The following TMEM132B variants were observed in gnomAD, a reference collection of about 807,000 sequenced individuals.
TMEM132B encodes transmembrane protein 132B.
Under a neutral mutation model 90.8 loss-of-function variants are expected in TMEM132B, and 18 were observed. The ratio of observed to expected loss-of-function variants is 0.20; its 90% CI spans 0.14 to 0.29. TMEM132B has a LOEUF of 0.29. TMEM132B is among the 10% of genes least tolerant of loss of function. The pLI, the probability that TMEM132B is intolerant of heterozygous loss-of-function variation, is 1.00. For synonymous variants in TMEM132B, 504 were observed against 523.3 expected (o/e 0.96, Z 0.50); for missense variants, 1,096 against 1,326.8 (o/e 0.83, Z 2.70).
In TMEM132B at chr12:125,352,199, G is replaced by T. The variant is rs187623516; in HGVS notation, c.959+1856G>T. 2.6e-4 allele frequency among the ~76,000 whole-genome samples: 39 copies of T among 152,330 alleles called. 2 individuals are homozygous for T. The East Asian group carries it at 7.5e-3, about 29-fold the overall frequency. On this transcript the variant is annotated intron_variant, in intron 2 of 8. Transcript: ENST00000682704. ...ATCCCTGCCCTGTTTGATGTGTCAGGCAGAATCCTACAATGCTGCATATCA... is the reference window on the plus strand; with the variant it reads ...ATCCCTGCCCTGTTTGATGTGTCAGTCAGAATCCTACAATGCTGCATATCA...
chr12:125,568,377 C>A (rs775732934), intron 4 of TMEM132B, among the ~76,000 whole-genome samples: 43 of 152,192 alleles, frequency 2.8e-4, no homozygotes, highest in Non-Finnish European at 5.0e-4. Context: ...AGCACTTCTT[C>A]CTTGTCTTCT....
At chr12:125,352,926 A>C (rs1877637114) in intron 2 of TMEM132B, among the ~76,000 whole-genome samples, 1 of 152,188 alleles carries the variant, frequency 6.6e-6, no homozygotes, top group African/African-American at 2.4e-5. Context: ...GCTGTTACTG[A>C]TTCAAAACTT....
intron 5 of TMEM132B, among the ~76,000 whole-genome samples, chr12:125,623,207 A>G (rs1439840265): frequency 6.6e-6 from 1 of 152,162 alleles, no homozygotes; most frequent in Non-Finnish European, 1.5e-5. Flanking sequence ...TAGGCTTACA[A>G]ATGTTGGTGG....
intron 4 of TMEM132B, among the ~76,000 whole-genome samples, chr12:125,582,248 A>G (rs2136865163): frequency 6.6e-6 from 1 of 150,808 alleles, no homozygotes; most frequent in East Asian, 1.9e-4. Flanking sequence ...TTCCTGTTCC[A>G]TACATAATAG....
At chr12:125,341,495 T>G (rs914557917) in intron 1 of TMEM132B, among the ~76,000 whole-genome samples, 1 of 152,238 alleles carries the variant, frequency 6.6e-6, no homozygotes, top group Non-Finnish European at 1.5e-5. Flanking sequence ...CCCTTATTTT[T>G]AAATATTTCA....
chr12:125,411,158 AGT>A (rs1158161861), intron 2 of TMEM132B, among the ~76,000 whole-genome samples: 2 of 54,792 alleles, frequency 3.7e-5, no homozygotes, highest in African/African-American at 1.6e-4. Context: ...GGAGTGGAGG[AGT>A]GGAGTGGAGT....
chr12:125,339,581 T>C (rs908766918), intron 1 of TMEM132B, among the ~76,000 whole-genome samples: 7 of 152,184 alleles, frequency 4.6e-5, no homozygotes, highest in Non-Finnish European at 8.8e-5. Flanking sequence ...TTGGTACTTC[T>C]CCCCAGTAGC....
chr12:125,335,299 C>G lies in TMEM132B; in HGVS notation c.68-14153C>G, dbSNP rs373697516. Among the ~76,000 whole-genome samples the G allele has an allele frequency of 3.1e-4, 47 of 152,200 alleles. 2 individuals are homozygous for G. In the South Asian group the frequency reaches 8.7e-3, roughly 28 times the overall value. ...GAAAAATAGAGATTTTTTGTTGTTT[C>G]CTACCTAGAATTCCCTTGTTCTTTT... On this transcript the variant is annotated intron_variant, in intron 1 of 8. Transcript: ENST00000682704.
At position 125,186,439 on chromosome 12, in the gene TMEM132B, G is replaced by A. The variant is rs1330328215; in HGVS notation, c.-361G>A. The stretch of plus-strand genomic sequence containing the variant: ...GCAGATGGCGATGGCAGAGGCGGCG[G>A]CGGCGGCGGCGGCGCGACCGGGATG... On this transcript the variant is annotated 5_prime_UTR_variant, in exon 1 of 9. Transcript: ENST00000682704. The surrounding 1 kb of genome is among the most constrained non-coding windows in gnomAD (Gnocchi z 6.3). 6.8e-6 allele frequency among the ~76,000 whole-genome samples: 1 copy of A among 146,302 alleles called. No individual in the cohort carries two copies. Among genetic ancestry groups the A allele is most frequent in the African/African-American group, 2.4e-5 (1 of 40,892 alleles).
At chr12:125,527,157 CCCATCCACCCATCCACCCTTCCATCCAT>C (rs1441383010) in intron 4 of TMEM132B, among the ~76,000 whole-genome samples, 22 of 126,136 alleles carry the variant, frequency 1.7e-4, no homozygotes, top group East Asian at 2.9e-4. Context: ...CACCCATCCA[CCCATCCACCCATCCACCCTTCCATCCAT>C]CCATCCACCC....
rs543027761 is a variant in TMEM132B, at chr12:125,223,641, C to T, written c.67+36775C>T. Among the ~76,000 whole-genome samples, 17 of 152,258 alleles carry T rather than the reference C, an allele frequency of 1.1e-4. 1 individual carries two copies. The South Asian group carries it at 1.5e-3, about 13-fold the overall frequency. ...TCATCAGCCCAAAATAAAATCACAC[C>T]GTTTAACAGTTACTCTCTGTCCCGC... On this transcript the variant is annotated intron_variant, in intron 1 of 8. Transcript: ENST00000682704.
At chr12:125,653,469 C>G in intron 8 of TMEM132B, 96 bp from the exon 9 acceptor site, 1 of 1,345,024 alleles carries the variant, frequency 7.4e-7, no homozygotes, top group Middle Eastern at 2.7e-4. Flanking sequence ...AAATCTTCTC[C>G]TTATATTTAA....
At chr12:125,580,573 CA>C (rs746265693) in intron 4 of TMEM132B, among the ~76,000 whole-genome samples, 113 of 152,306 alleles carry the variant, frequency 7.4e-4, no homozygotes, top group South Asian at 1.7e-3. Context: ...GATACTACAG[CA>C]CTAGAAAGTG....
intron 3 of TMEM132B, among the ~76,000 whole-genome samples, chr12:125,432,828 T>G (rs1263927683): frequency 6.6e-6 from 1 of 152,074 alleles, no homozygotes; most frequent in Non-Finnish European, 1.5e-5. Context: ...GGTGCACACA[T>G]GTCGACACTG....
intron 3 of TMEM132B, among the ~76,000 whole-genome samples, chr12:125,453,862 G>C (rs571607411): frequency 1.2e-4 from 18 of 152,218 alleles, no homozygotes; most frequent in African/African-American, 4.3e-4. Context: ...GGTGTGTACC[G>C]ACTCTGCTTG....
intron 5 of TMEM132B, among the ~76,000 whole-genome samples, chr12:125,636,769 C>T (rs1434187619): frequency 1.3e-5 from 2 of 152,156 alleles, no homozygotes; most frequent in Admixed American, 6.6e-5. Flanking sequence ...CACTGACTGC[C>T]GTTTCTCTCT....
chr12:125,570,345 T>G (rs774328536), intron 4 of TMEM132B, among the ~76,000 whole-genome samples: 9 of 152,232 alleles, frequency 5.9e-5, no homozygotes, highest in Non-Finnish European at 1.3e-4. Flanking sequence ...CCATCTTCCC[T>G]GTGAGTGACC....
At chr12:125,450,010 A>G (rs981707593) in intron 3 of TMEM132B, among the ~76,000 whole-genome samples, 38 of 152,140 alleles carry the variant, frequency 2.5e-4, no homozygotes, top group African/African-American at 8.9e-4. Context: ...CTGTGTATTC[A>G]CATTTGTACC....
intron 1 of TMEM132B, among the ~76,000 whole-genome samples, chr12:125,229,553 GTATC>G (rs1873768218): frequency 1.3e-5 from 2 of 152,196 alleles, no homozygotes; most frequent in African/African-American, 2.4e-5. Flanking sequence ...GTGCATCAAT[GTATC>G]TATCTATCTG....
Sources: allele counts gnomAD v4.1 joint callset (sites outside exome capture counted in the v4.1 genomes callset), GRCh38; gene constraint gnomAD v4.1.1; non-coding constraint Gnocchi (gnomAD v3.1); transcripts MANE v1.5; gene names NCBI Gene and HGNC (gene_info 2026-07-23, HGNC 2026-07-21).